KLHDC4: variants seen among roughly 807,000 people sequenced by gnomAD.
The protein encoded by KLHDC4 is kelch domain containing 4.
A neutral mutation model predicts 62.4 loss-of-function variants in KLHDC4; 90 were observed. That is an observed-to-expected ratio of 1.44 (90% CI 1.22 to 1.72). The LOEUF is 1.72. Among genes scored for constraint, KLHDC4 ranks in the 40% most tolerant of loss-of-function variants. The pLI is 0.00. For missense variants in KLHDC4, 1,025 were observed against 699.7 expected, an observed-to-expected ratio of 1.47 and a Z score of -5.25; for synonymous variants, 386 against 284.4, an observed-to-expected ratio of 1.36 and a Z score of -3.59.
At chr16:87,756,201 C>A (rs2044862229) in intron 3 of KLHDC4, 198 bp downstream of exon 3, 1 of 491,100 alleles carries the variant, frequency 2.0e-6, no homozygotes, top group Non-Finnish European at 3.7e-6. Context: ...ATAGAGACCC[C>A]AGGACCACTG....
chr16:87,755,519 G>C (rs1335838665), intron 3 of KLHDC4: 2 of 406,250 alleles, frequency 4.9e-6, no homozygotes, highest in Admixed American at 4.0e-5. Context: ...GGTACTGAAA[G>C]CCCTCGTTGT....
chr16:87,765,949 C>T lies in KLHDC4; in HGVS notation c.-59G>A. On this transcript the variant is annotated 5_prime_UTR_variant, in exon 1 of 12. Coordinates refer to ENST00000270583, the MANE Select transcript of KLHDC4 (RefSeq NM_017566.4). The stretch of plus-strand genomic sequence containing the variant: ...GAAAGAAAACGGCCCGCGCTCTCCG[C>T]TCGGAAACAGGTGCTCGTGGGGCGG... 1 of 1,503,518 alleles carries T rather than the reference C, an allele frequency of 6.7e-7. No homozygotes were observed. The allele number at this position is 1,503,518 out of a possible 1,614,324, so 93.1% of individuals were successfully genotyped here.
downstream of KLHDC4, among the ~76,000 whole-genome samples, chr16:87,706,450 G>A (rs1156364472): frequency 6.7e-6 from 1 of 149,962 alleles, no homozygotes; most frequent in Non-Finnish European, 1.5e-5. Context: ...GAGGGGGCCG[G>A]CACAACGCAA....
chr16:87,738,380 T>C (rs1024323074), intron 5 of KLHDC4, among the ~76,000 whole-genome samples: 43 of 144,596 alleles, frequency 3.0e-4, no homozygotes, highest in Admixed American at 2.7e-3. Context: ...CACACACACA[T>C]CTATATCTTC....
chr16:87,718,471 C>G (rs1437469651), intron 7 of KLHDC4, among the ~76,000 whole-genome samples: 1 of 151,352 alleles, frequency 6.6e-6, no homozygotes, highest in Non-Finnish European at 1.5e-5. Flanking sequence ...ACCTCCCTGC[C>G]TGATTCTCCT....
chr16:87,750,004 G>A (rs188194307), intron 4 of KLHDC4, among the ~76,000 whole-genome samples: 1 of 152,194 alleles, frequency 6.6e-6, no homozygotes, highest in African/African-American at 2.4e-5. Context: ...GCTGAGGAGA[G>A]AGCAGACCAC....
intron 2 of KLHDC4, among the ~76,000 whole-genome samples, chr16:87,759,985 C>T (rs774656407): frequency 6.6e-6 from 1 of 152,096 alleles, no homozygotes; most frequent in Non-Finnish European, 1.5e-5. Flanking sequence ...ACATCAGAGC[C>T]AATCCTGACG....
intron 5 of KLHDC4, among the ~76,000 whole-genome samples, chr16:87,733,002 G>C (rs948426017): frequency 7.3e-6 from 1 of 137,124 alleles, no homozygotes; most frequent in African/African-American, 2.9e-5. Context: ...TGAAAAGGCA[G>C]GTGCAAAGCA....
At chr16:87,736,395 G>A (rs567957146) in intron 5 of KLHDC4, among the ~76,000 whole-genome samples, 1 of 152,300 alleles carries the variant, frequency 6.6e-6, no homozygotes, top group East Asian at 1.9e-4. Context: ...CTGCACCGGC[G>A]GCCTAGAGAC....
chr16:87,755,135 G>T, intron 4 of KLHDC4, 59 bp downstream of exon 4: 1 of 1,180,340 alleles, frequency 8.5e-7, no homozygotes, highest in Non-Finnish European at 1.3e-6. Flanking sequence ...CTCTCCGTGT[G>T]TCTACCAGAC....
chr16:87,700,692 G>C (rs1430469361), exon 1 of KLHDC4: 1 of 255,890 alleles, frequency 3.9e-6, no homozygotes, highest in Non-Finnish European at 7.3e-6. Context: ...TTGGAGGGCG[G>C]AGGGAGGAGG....
At chr16:87,758,853 C>T (rs780159430) in intron 2 of KLHDC4, among the ~76,000 whole-genome samples, 8 of 152,058 alleles carry the variant, frequency 5.3e-5, no homozygotes, top group Non-Finnish European at 8.8e-5. Context: ...GAAGTAATTC[C>T]ACTGAACTGC....
At chr16:87,709,701 C>G in intron 9 of KLHDC4, 34 bp from the exon 10 acceptor site, 1 of 1,532,222 alleles carries the variant, frequency 6.5e-7, no homozygotes, top group Middle Eastern at 1.7e-4. Context: ...AGAGCAGCAG[C>G]TTCAGCGAGG....
At chr16:87,700,378 C>A (rs2034077567) in exon 1 of KLHDC4, 1 of 155,298 alleles carries the variant, frequency 6.4e-6, no homozygotes, top group African/African-American at 2.4e-5. Flanking sequence ...CATCATGATG[C>A]CGCCCTCCTG....
intron 7 of KLHDC4, among the ~76,000 whole-genome samples, chr16:87,717,898 G>A (rs558057744): frequency 6.6e-6 from 1 of 152,300 alleles, no homozygotes; most frequent in East Asian, 1.9e-4. Flanking sequence ...AGAATTAACA[G>A]CCTATGGGGG....
intron 7 of KLHDC4, among the ~76,000 whole-genome samples, chr16:87,724,837 T>C (rs549837118): frequency 1.4e-4 from 22 of 152,270 alleles, no homozygotes; most frequent in African/African-American, 5.1e-4. Flanking sequence ...AGATATCTAT[T>C]TACCCAAGAG....
chr16:87,714,553 GTCCACGTCTT>G lies in KLHDC4; in HGVS notation c.770_779del (p.Lys257ThrfsTer12). On this transcript the variant is annotated frameshift_variant, in exon 8 of 12. Transcript: ENST00000270583. LOFTEE classifies it high-confidence loss of function. ...ACATGTCTGAGTGCCGTGTGCCCTT[GTCCACGTCTT>G]TCTTAACTCTCTGCAATGGAAAGGA... 3 of 1,614,184 alleles carry G rather than the reference GTCCACGTCTT, an allele frequency of 1.9e-6. No homozygotes were observed. In the South Asian group the frequency reaches 3.3e-5, roughly 18 times the overall value.
At chr16:87,712,489 C>T (rs1468347198) in intron 8 of KLHDC4, among the ~76,000 whole-genome samples, 1 of 152,246 alleles carries the variant, frequency 6.6e-6, no homozygotes, top group Non-Finnish European at 1.5e-5. Context: ...AGGTGTGTCG[C>T]TCCTCACCAC....
At position 87,711,345 on chromosome 16, in the gene KLHDC4, A is replaced by T. The variant is rs551846156; in HGVS notation, c.934T>A (p.Phe312Ile). Reference sequence around the variant, plus strand: ...TCTTCCTCGTCACAGACACCCCCGAAGAACAGTGTCTGGTGATTCGGGGCC... The same window carrying T: ...TCTTCCTCGTCACAGACACCCCCGATGAACAGTGTCTGGTGATTCGGGGCC... ...AMAPNHQTLF[F>I]GGVCDEEEEE... is the part of the protein sequence containing the mutation. The change falls in exon 9 of 12, where the codon TTC (phenylalanine) becomes ATC (isoleucine). Residue 312 changes from phenylalanine (F) to isoleucine (I), a missense_variant. Coordinates refer to ENST00000270583, the MANE Select transcript of KLHDC4 (RefSeq NM_017566.4). 7 of 1,614,000 alleles carry T rather than the reference A, an allele frequency of 4.3e-6. No homozygotes were observed. Among genetic ancestry groups the T allele is most frequent in the South Asian group, 3.3e-5 (3 of 91,086 alleles).
Sources: gnomAD v4.1 joint callset for allele counts (sites outside exome capture counted in the v4.1 genomes callset) on GRCh38, gnomAD v4.1.1 for gene constraint, MANE v1.5 for transcripts, NCBI Gene and HGNC (gene_info 2026-07-23, HGNC 2026-07-21) for gene names.